The following PNPLA6 variants were observed in gnomAD, a reference collection of about 807,000 sequenced individuals.
The protein encoded by PNPLA6 is patatin like domain 6, lysophospholipase.
A neutral mutation model predicts 153.7 loss-of-function variants in PNPLA6; 105 were observed. The ratio of observed to expected loss-of-function variants is 0.68; its 90% CI spans 0.58 to 0.80. The LOEUF is 0.80. Ranked by LOEUF, PNPLA6 falls within the 30% of genes least tolerant of loss-of-function variation. The pLI is 0.00. For missense variants in PNPLA6, 1,423 were observed against 1,919.3 expected, an observed-to-expected ratio of 0.74 and a Z score of 4.83; for synonymous variants, 825 against 822.2, an observed-to-expected ratio of 1.00 and a Z score of -0.06.
intron 17 of PNPLA6, 113 bp from the exon 18 acceptor site, chr19:7,551,249 G>A (rs966656167): frequency 2.6e-6 from 3 of 1,175,042 alleles, no homozygotes; most frequent in African/African-American, 1.5e-5. Flanking sequence ...GGGGGCTCTC[G>A]GGGGTGGGAC....
intron 16 of PNPLA6, 158 bp from the exon 17 acceptor site, chr19:7,550,836 C>T: frequency 1.1e-6 from 1 of 904,430 alleles, no homozygotes; most frequent in Non-Finnish European, 1.7e-6. Flanking sequence ...CTGTCCTCTC[C>T]CTCTCCCCAG....
Position 7,555,479 on chromosome 19 carries a change from C to T in PNPLA6, c.2936+112C>T, listed in dbSNP as rs2023837593. On this transcript the variant is annotated intron_variant, in intron 23 of 31. Coordinates refer to ENST00000600737, the MANE Select transcript of PNPLA6 (RefSeq NM_001166114.2). The surrounding 1 kb of genome is among the most constrained non-coding windows in gnomAD (Gnocchi z 6.3). ...GTGTTCGAGGGTGGAGCTTCCCCTCCGGGAGAGACCCCGTGGGTAGGGGCG... is the reference window on the plus strand; with the variant it reads ...GTGTTCGAGGGTGGAGCTTCCCCTCTGGGAGAGACCCCGTGGGTAGGGGCG... The T allele has an allele frequency of 4.4e-6, 6 of 1,358,022 alleles. No individual in the cohort carries two copies. Among genetic ancestry groups the T allele is most frequent in the Non-Finnish European group, 5.1e-6 (5 of 983,022 alleles). The allele number at this position is 1,358,022 out of a possible 1,614,324, so 84.1% of individuals were successfully genotyped here.
chr19:7,558,746 T>TC (rs2023989604), intron 27 of PNPLA6, 104 bp from the exon 28 acceptor site: 6 of 803,662 alleles, frequency 7.5e-6, no homozygotes, highest in Non-Finnish European at 1.2e-5. Flanking sequence ...TCTCTCTTTT[T>TC]TTTTTGCGTG....
intron 13 of PNPLA6, among the ~76,000 whole-genome samples, chr19:7,549,095 G>C (rs1259845793): frequency 6.6e-6 from 1 of 150,514 alleles, no homozygotes; most frequent in East Asian, 1.9e-4. Context: ...GAGCCATCGC[G>C]CCCGGCTAAA....
At chr19:7,559,364 T>C (rs1411753435) in intron 28 of PNPLA6, among the ~76,000 whole-genome samples, 2 of 152,114 alleles carry the variant, frequency 1.3e-5, no homozygotes, top group African/African-American at 4.8e-5. Context: ...ACTTTCTCCT[T>C]ATAGGCCAGC....
rs1198252065 is a variant in PNPLA6 at position 7,555,669 on chromosome 19, T to C, written c.2999T>C (p.Val1000Ala). 6.2e-7 allele frequency: 1 copy of C among 1,613,276 alleles called. No individual in the cohort carries two copies. Among genetic ancestry groups the C allele is most frequent in the Admixed American group, 1.7e-5 (1 of 59,994 alleles). Residue 1000 changes from valine (V) to alanine (A), a missense_variant, in exon 24 of 32, where the codon GTG becomes GCG. Val to Ala is a moderately conservative substitution (Grantham distance 64). Coordinates refer to ENST00000600737, the MANE Select transcript of PNPLA6 (RefSeq NM_001166114.2). This position sits in a 1 kb window ranked among gnomAD's most constrained non-coding sequence, Gnocchi z 6.3. ...LEEAGVPVDLVGGTSIGSFIG... is the reference protein window; with the variant it reads ...LEEAGVPVDLAGGTSIGSFIG... ...GAGGCGGGGGTCCCCGTGGACCTGG[T>C]GGGCGGCACGTCCATTGGCTCTTTC...
At position 7,541,858 on chromosome 19, in the gene PNPLA6, C is replaced by T. The variant is rs1368766957; in HGVS notation, c.1169-126C>T. ...TCTGGTACCGAGGAAGCTGTGGCCTCGTCCCCAAGGGCCCATTGGAATTGC... is the reference window on the plus strand; with the variant it reads ...TCTGGTACCGAGGAAGCTGTGGCCTTGTCCCCAAGGGCCCATTGGAATTGC... On this transcript the variant is annotated intron_variant, in intron 9 of 31. Transcript: ENST00000600737. The surrounding 1 kb of genome is among the most constrained non-coding windows in gnomAD (Gnocchi z 5.2). 5 of 1,103,156 alleles carry T rather than the reference C, an allele frequency of 4.5e-6. No individual in the cohort carries two copies. In the Admixed American group the frequency reaches 5.6e-5, roughly 12 times the overall value. 68.3% of individuals were successfully genotyped at this position (1,103,156 alleles called of 1,614,324 possible). A position where few individuals can be genotyped will look rare whatever the true frequency, so the allele number is the denominator to read the frequency against.
In PNPLA6 at chr19:7,550,967, G is replaced by A. The variant is rs1382799999; in HGVS notation, c.2071-27G>A. 4.1e-6 allele frequency: 6 copies of A among 1,478,766 alleles called. No individual in the cohort carries two copies. The East Asian group carries it at 7.4e-5, about 18-fold the overall frequency. 91.6% of individuals were successfully genotyped at this position (1,478,766 alleles called of 1,614,324 possible). On this transcript the variant is annotated intron_variant, in intron 16 of 31. Coordinates refer to ENST00000600737, the MANE Select transcript of PNPLA6 (RefSeq NM_001166114.2). ...GGCCTCCTCATTCCCCACCCAAGCA[G>A]CCCCAATCATGCACGCGGCCCCCCA...
intron 13 of PNPLA6, among the ~76,000 whole-genome samples, chr19:7,544,112 C>CT (rs1410407962): frequency 0.016 from 2,265 of 141,826 alleles, 152 homozygotes; most frequent in Admixed American, 0.13. Context: ...TGCGCCCGGC[C>CT]TTTTTTTTTT....
At chr19:7,554,127 G>T in intron 19 of PNPLA6, 82 bp from the exon 20 acceptor site, 1 of 1,569,320 alleles carries the variant, frequency 6.4e-7, no homozygotes. Context: ...CCACAGGGGC[G>T]GGGTAATGGG....
rs372042160 is a variant in PNPLA6 at position 7,561,538 on chromosome 19, G to A, written c.4074G>A (p.Pro1358=). Residue 1358 remains proline, a synonymous_variant, in exon 32 of 32, where the codon CCG becomes CCA. Coordinates refer to ENST00000600737, the MANE Select transcript of PNPLA6 (RefSeq NM_001166114.2). ...LRQRRCLPQE[P]PGSATDA Reference sequence around the variant, plus strand: ...AACGACGCTGTCTGCCCCAGGAGCCGCCCGGCTCAGCCACAGATGCCTGAG... The same window carrying A: ...AACGACGCTGTCTGCCCCAGGAGCCACCCGGCTCAGCCACAGATGCCTGAG... The A allele has an allele frequency of 2.2e-5, 36 of 1,605,312 alleles. 2 individuals carry two copies. Among genetic ancestry groups the A allele is most frequent in the South Asian group, 2.1e-4 (19 of 89,618 alleles).
rs773178139 is a variant in PNPLA6, at chr19:7,550,637, C to A, written c.2067C>A (p.Gly689=). 2.5e-6 allele frequency: 4 copies of A among 1,610,464 alleles called. No individual in the cohort carries two copies. In the African/African-American group the frequency reaches 5.3e-5, roughly 22 times the overall value. Residue 689 remains glycine, a synonymous_variant, in exon 16 of 32, where the codon GGC becomes GGA. Transcript: ENST00000600737. ...VGEYGRGDLI[G]VVEALTRQPR... Reference sequence around the variant, plus strand: ...AGTACGGCCGCGGCGACCTCATCGGCGTGGTGAGCGCGACCCCCACCCACT... The same window carrying A: ...AGTACGGCCGCGGCGACCTCATCGGAGTGGTGAGCGCGACCCCCACCCACT...
chr19:7,554,769 C>T, intron 21 of PNPLA6, 46 bp downstream of exon 21: 1 of 1,601,858 alleles, frequency 6.2e-7, no homozygotes, highest in African/African-American at 1.3e-5. Context: ...GGGTCCCGTC[C>T]TTTGCCCTCC....
rs201290751 is a variant in PNPLA6 at position 7,550,376 on chromosome 19, G to A, written c.1893G>A (p.Gln631=). The A allele has an allele frequency of 3.1e-6, 5 of 1,612,122 alleles. No individual in the cohort carries two copies. Among genetic ancestry groups the A allele is most frequent in the Non-Finnish European group, 3.4e-6 (4 of 1,180,030 alleles). Residue 631 remains glutamine (Q), a synonymous_variant, in exon 15 of 32, where the codon CAG becomes CAA. Coordinates refer to ENST00000600737, the MANE Select transcript of PNPLA6 (RefSeq NM_001166114.2). The part of the protein sequence containing the change: ...VAARMSPFVR[Q]MDFAIDWTAV... ...CCAGGATGTCGCCCTTCGTGCGCCA[G>A]ATGGACTTCGCCATCGACTGGACTG...
chr19:7,545,219 G>C (rs893741409), intron 13 of PNPLA6, among the ~76,000 whole-genome samples: 1 of 151,988 alleles, frequency 6.6e-6, no homozygotes, highest in Non-Finnish European at 1.5e-5. Flanking sequence ...TAGAGATGGG[G>C]TTTCACCATG....
Position 7,554,353 on chromosome 19 carries a change from T to C in PNPLA6, c.2465+81T>C, listed in dbSNP as rs597582. 1,108,099 of 1,412,236 alleles carry C rather than the reference T, an allele frequency of 0.78. 436,567 individuals are homozygous for C. Among genetic ancestry groups the C allele is most frequent in the Admixed American group, 0.87 (52,053 of 59,616 alleles). The allele number at this position is 1,412,236 out of a possible 1,614,324, so 87.5% of individuals were successfully genotyped here. ...TCTTTCAGACCTGAGTTCAAGTTCT[T>C]GGCTTCCAACCACGGAGCCTGCGTC... is the stretch of plus-strand genomic sequence containing the variant. On this transcript the variant is annotated intron_variant, in intron 20 of 31. Transcript: ENST00000600737.
Position 7,541,837 on chromosome 19 carries a change from G to A in PNPLA6, c.1169-147G>A, listed in dbSNP as rs1255747136. 4 of 1,112,816 alleles carry A rather than the reference G, an allele frequency of 3.6e-6. No homozygotes were observed. In the African/African-American group the frequency reaches 4.6e-5, roughly 13 times the overall value. 68.9% of individuals were successfully genotyped at this position (1,112,816 alleles called of 1,614,324 possible). A position where few individuals can be genotyped will look rare whatever the true frequency, so the allele number is the denominator to read the frequency against. On this transcript the variant is annotated intron_variant, in intron 9 of 31. Transcript: ENST00000600737. This position sits in a 1 kb window ranked among gnomAD's most constrained non-coding sequence, Gnocchi z 5.2. ...GGTACCCAGGTCTGACTCCTATCTG[G>A]TACCGAGGAAGCTGTGGCCTCGTCC...
At chr19:7,536,772 C>T (rs2022890739) in intron 3 of PNPLA6, among the ~76,000 whole-genome samples, 12 of 151,932 alleles carry the variant, frequency 7.9e-5, no homozygotes, top group Admixed American at 7.2e-4. Context: ...ACTAAAAATA[C>T]AAAAATTAGC....
At chr19:7,547,255 A>G (rs1009737130) in intron 13 of PNPLA6, among the ~76,000 whole-genome samples, 5 of 152,036 alleles carry the variant, frequency 3.3e-5, no homozygotes, top group Admixed American at 6.6e-5. Context: ...TCTTTGCTAG[A>G]CTGTTTTCCA....
Sources: gnomAD v4.1 joint callset for allele counts (sites outside exome capture counted in the v4.1 genomes callset) on GRCh38, gnomAD v4.1.1 for gene constraint, Gnocchi (gnomAD v3.1) non-coding constraint, MANE v1.5 for transcripts, NCBI Gene and HGNC (gene_info 2026-07-23, HGNC 2026-07-21) for gene names.